SNX29: variants seen among roughly 807,000 people sequenced by gnomAD.
SNX29 encodes sorting nexin 29.
In SNX29, 78 loss-of-function variants were observed where a neutral mutation model predicts 102.1. The ratio of observed to expected loss-of-function variants is 0.76; its 90% CI spans 0.64 to 0.92. The LOEUF (loss-of-function observed/expected upper bound fraction) is 0.92. Among genes scored for constraint, SNX29 ranks in the 40% least tolerant of loss-of-function variants. The pLI is 0.00. For missense variants in SNX29, 1,280 were observed against 1,061.7 expected, an observed-to-expected ratio of 1.21 and a Z score of -2.86; for synonymous variants, 580 against 414.5, an observed-to-expected ratio of 1.40 and a Z score of -4.85.
chr16:12,270,679 TG>T (rs142211012), intron 14 of SNX29, among the ~76,000 whole-genome samples: 2,599 of 152,304 alleles, frequency 0.017, 90 homozygotes, highest in African/African-American at 0.06. Context: ...TTTATTTTTT[TG>T]TGCATGTCAT....
Position 12,052,240 on chromosome 16 carries a change from G to A in SNX29, c.1124+18G>A, listed in dbSNP as rs779935591. 4.3e-6 allele frequency: 7 copies of A among 1,613,298 alleles called. No homozygotes were observed. Among genetic ancestry groups the A allele is most frequent in the Admixed American group, 1.7e-5 (1 of 59,940 alleles). On this transcript the variant is annotated intron_variant, in intron 8 of 20. Transcript: ENST00000566228. Reference sequence around the variant, plus strand: ...CCCGAGAAGTAAGTTTGTGTGTAAGGTGGAGTCTCACCGTCCCCCAGGCTG... The same window carrying A: ...CCCGAGAAGTAAGTTTGTGTGTAAGATGGAGTCTCACCGTCCCCCAGGCTG...
intron 11 of SNX29, chr16:12,087,739 AC>A: frequency 2.4e-6 from 1 of 412,062 alleles, no homozygotes; most frequent in South Asian, 1.8e-5. Flanking sequence ...TGAGAAAGTC[AC>A]TGAGGCAGAG....
chr16:12,017,864 T>G (rs1395390481), intron 3 of SNX29, among the ~76,000 whole-genome samples: 1 of 152,164 alleles, frequency 6.6e-6, no homozygotes, highest in Non-Finnish European at 1.5e-5. Flanking sequence ...ATAAAATGCT[T>G]CCATATGTAT....
At chr16:12,055,737 A>G (rs2050492300) in intron 8 of SNX29, among the ~76,000 whole-genome samples, 1 of 152,284 alleles carries the variant, frequency 6.6e-6, no homozygotes, top group South Asian at 2.1e-4. Context: ...GCCCACCCAC[A>G]TTATGCAGCG....
At chr16:12,322,326 G>T (rs2098709568) in intron 15 of SNX29, among the ~76,000 whole-genome samples, 1 of 152,116 alleles carries the variant, frequency 6.6e-6, no homozygotes, top group African/African-American at 2.4e-5. Flanking sequence ...GAAATCAGGG[G>T]CTATCGCAAG....
chr16:12,552,658 G>A (rs1413630839), intron 20 of SNX29, among the ~76,000 whole-genome samples: 1 of 152,232 alleles, frequency 6.6e-6, no homozygotes, highest in Non-Finnish European at 1.5e-5. Flanking sequence ...TGCAATGGGA[G>A]ACCCAGGCCA....
chr16:12,558,706 T>G (rs1490904259), intron 20 of SNX29, among the ~76,000 whole-genome samples: 1 of 152,122 alleles, frequency 6.6e-6, no homozygotes, highest in Non-Finnish European at 1.5e-5. Context: ...CCCCATCCCG[T>G]TTCTACGGGG....
At chr16:12,021,430 A>G (rs1182702813) in intron 3 of SNX29, among the ~76,000 whole-genome samples, 2 of 152,158 alleles carry the variant, frequency 1.3e-5, no homozygotes, top group African/African-American at 4.8e-5. Context: ...TGACTCAAAA[A>G]AAAAAAATCA....
At chr16:12,188,258 T>C (rs950645802) in intron 13 of SNX29, among the ~76,000 whole-genome samples, 1 of 152,234 alleles carries the variant, frequency 6.6e-6, no homozygotes, top group Non-Finnish European at 1.5e-5. Context: ...GTCTGTAGTT[T>C]CTGAAGGTAG....
rs1055327380 is a variant in SNX29 at position 12,573,418 on chromosome 16, A to G, written c.*4789A>G. 2 of 223,474 alleles carry G rather than the reference A, an allele frequency of 8.9e-6. No individual in the cohort carries two copies. The highest frequency in any genetic ancestry group is 1.8e-4 in the South Asian group (1 of 5,444). 13.8% of individuals were successfully genotyped at this position (223,474 alleles called of 1,614,324 possible). The stretch of plus-strand genomic sequence containing the variant: ...AGTTTCTATAGAGAAGTGAAAAAGA[A>G]ATCTGGCTTCCTTAATAAGATAGTT... On this transcript the variant is annotated 3_prime_UTR_variant, in exon 21 of 21. Coordinates refer to ENST00000566228, the MANE Select transcript of SNX29 (RefSeq NM_032167.5).
chr16:12,540,197 A>C (rs960502311), intron 20 of SNX29, among the ~76,000 whole-genome samples: 10 of 152,098 alleles, frequency 6.6e-5, no homozygotes, highest in African/African-American at 1.9e-4. Flanking sequence ...TGTCAGGTCC[A>C]AGGATTGGGT....
intron 8 of SNX29, 31 bp downstream of exon 8, chr16:12,052,253 G>A (rs536725628): frequency 6.4e-5 from 103 of 1,611,498 alleles, no homozygotes; most frequent in East Asian, 4.5e-4. Flanking sequence ...GAGTCTCACC[G>A]TCCCCCAGGC....
intron 12 of SNX29, among the ~76,000 whole-genome samples, chr16:12,128,326 A>G (rs2054305945): frequency 1.3e-5 from 2 of 152,082 alleles, no homozygotes; most frequent in African/African-American, 2.4e-5. Flanking sequence ...AAATTATACC[A>G]TGTTTTTGTC....
chr16:12,538,073 TTC>T (rs1445590291), intron 20 of SNX29, among the ~76,000 whole-genome samples: 3 of 151,658 alleles, frequency 2.0e-5, no homozygotes, highest in East Asian at 1.9e-4. Flanking sequence ...GACAGCTTTC[TTC>T]TCAGTGGGCT....
intron 18 of SNX29, among the ~76,000 whole-genome samples, chr16:12,416,197 A>G (rs2084628967): frequency 6.6e-6 from 1 of 151,996 alleles, no homozygotes; most frequent in South Asian, 2.1e-4. Context: ...CCTCCTCCTT[A>G]AACGTCGAGT....
At chr16:12,548,641 G>GCCT (rs1567172781) in intron 20 of SNX29, among the ~76,000 whole-genome samples, 1 of 152,202 alleles carries the variant, frequency 6.6e-6, no homozygotes, top group Non-Finnish European at 1.5e-5. Flanking sequence ...CTCTTCAGGG[G>GCCT]CCTCATTTGG....
intron 18 of SNX29, among the ~76,000 whole-genome samples, chr16:12,459,654 T>C (rs2086694086): frequency 6.6e-6 from 1 of 151,364 alleles, no homozygotes; most frequent in Non-Finnish European, 1.5e-5. Flanking sequence ...GCTCGGGAGG[T>C]GGAGAAAGCA....
intron 14 of SNX29, among the ~76,000 whole-genome samples, chr16:12,241,541 C>G (rs980306447): frequency 6.6e-5 from 10 of 151,984 alleles, no homozygotes; most frequent in African/African-American, 2.4e-4. Flanking sequence ...CTCACTGCAA[C>G]CTCCACCTCC....
intron 20 of SNX29, among the ~76,000 whole-genome samples, chr16:12,530,912 C>A (rs577849936): frequency 1.3e-5 from 2 of 152,248 alleles, no homozygotes; most frequent in East Asian, 1.9e-4. Flanking sequence ...TAGTATCCAC[C>A]GTAATGGCTG....
Sources: allele counts gnomAD v4.1 joint callset (sites outside exome capture counted in the v4.1 genomes callset), GRCh38; gene constraint gnomAD v4.1.1; transcripts MANE v1.5; gene names NCBI Gene and HGNC (gene_info 2026-07-23, HGNC 2026-07-21).